EPRS1: variants seen among roughly 807,000 people sequenced by gnomAD.
The protein encoded by EPRS1 is bifunctional glutamate/proline--tRNA ligase.
A neutral mutation model predicts 188.3 loss-of-function variants in EPRS1; 107 were observed. The observed-to-expected ratio is 0.57, with a 90% CI of 0.49 to 0.67. EPRS1 has a LOEUF of 0.67. Ranked by LOEUF, EPRS1 falls within the 30% of genes least tolerant of loss-of-function variation. EPRS1 has a pLI of 0.00. For synonymous variants in EPRS1, 596 were observed against 593.1 expected (o/e 1.00, Z -0.07); for missense variants, 1,577 against 1,802.2 (o/e 0.88, Z 2.26).
At chr1:219,975,442 G>C (rs1660758178) in intron 28 of EPRS1, among the ~76,000 whole-genome samples, 1 of 152,124 alleles carries the variant, frequency 6.6e-6, no homozygotes. Context: ...TTTTGTTGTT[G>C]TTGTTTTTCT....
chr1:219,989,360 CATA>C (rs71787500), intron 18 of EPRS1, among the ~76,000 whole-genome samples: 30,561 of 151,162 alleles, frequency 0.2, 3,944 homozygotes, highest in African/African-American at 0.36. Context: ...GATACTTCAA[CATA>C]ATAATAAAAA....
chr1:220,005,361 CTG>C lies in EPRS1; in HGVS notation c.1951-3_1951-2del, dbSNP rs1661438246. 1 of 1,437,732 alleles carries C rather than the reference CTG, an allele frequency of 7.0e-7. No homozygotes were observed. Among genetic ancestry groups the C allele is most frequent in the African/African-American group, 2.1e-5 (1 of 48,162 alleles). 89.1% of individuals were successfully genotyped at this position (1,437,732 alleles called of 1,614,324 possible). On this transcript the variant is annotated splice_acceptor_variant and splice_polypyrimidine_tract_variant and intron_variant, in intron 15 of 31. Coordinates refer to ENST00000366923, the MANE Select transcript of EPRS1 (RefSeq NM_004446.3). LOFTEE classifies it high-confidence loss of function. ...GATCCCCTAGCATTAGCTCTTCATG[CTG>C]TAAAGATGATATAAACCAAAGTACA...
In EPRS1 at chr1:219,983,175, G is replaced by A; in HGVS notation, c.3300+14C>T. 1 of 1,584,664 alleles carries A rather than the reference G, an allele frequency of 6.3e-7. No homozygotes were observed. The highest frequency in any genetic ancestry group is 1.2e-5 in the South Asian group (1 of 86,194). On this transcript the variant is annotated intron_variant, in intron 22 of 31. Transcript: ENST00000366923. The stretch of plus-strand genomic sequence containing the variant: ...AGAGAACATTGCAAAAAATAAAAAA[G>A]CAAGCTCACTTACCTCTGGGGCAAA...
At chr1:219,974,265 G>A (rs1397652509) in intron 28 of EPRS1, among the ~76,000 whole-genome samples, 2 of 152,142 alleles carry the variant, frequency 1.3e-5, no homozygotes, top group African/African-American at 4.8e-5. Context: ...TTTCTAACAA[G>A]TTTCCAAGTG....
intron 2 of EPRS1, among the ~76,000 whole-genome samples, chr1:220,037,020 CAG>C (rs1183061139): frequency 6.8e-6 from 1 of 147,576 alleles, no homozygotes; most frequent in Non-Finnish European, 1.5e-5. Flanking sequence ...AGGAACTTTC[CAG>C]AAAGTAAAGG....
intron 28 of EPRS1, among the ~76,000 whole-genome samples, chr1:219,974,465 C>T (rs1394480426): frequency 6.6e-6 from 1 of 152,142 alleles, no homozygotes; most frequent in Non-Finnish European, 1.5e-5. Flanking sequence ...TTTTAGGGCC[C>T]AGAACCTTAT....
rs1475235044 is a variant in EPRS1, at chr1:219,983,308, T to C, written c.3181A>G (p.Lys1061Glu). 1.2e-6 allele frequency: 2 copies of C among 1,614,092 alleles called. No individual in the cohort carries two copies. Among genetic ancestry groups the C allele is most frequent in the Admixed American group, 1.7e-5 (1 of 60,030 alleles). Reference sequence around the variant, plus strand: ...TTGATCTCAGCATCAAAAAAGTCCTTGATGGCTTCCCAAATGGCATAGGCC... The same window carrying C: ...TTGATCTCAGCATCAAAAAAGTCCTCGATGGCTTCCCAAATGGCATAGGCC... ...PWAYAIWEAI[K>E]DFFDAEIKKL... The change falls in exon 22 of 32, where the codon AAG becomes GAG. Residue 1061 changes from lysine (K) to glutamate (E), a missense_variant. Lys to Glu is a moderately conservative substitution (Grantham distance 56). Coordinates refer to ENST00000366923, the MANE Select transcript of EPRS1 (RefSeq NM_004446.3).
Position 220,033,226 on chromosome 1 carries a change from TTC to T in EPRS1, c.388+274_388+275del, listed in dbSNP as rs150460153. On this transcript the variant is annotated intron_variant, in intron 4 of 31. Coordinates refer to ENST00000366923, the MANE Select transcript of EPRS1 (RefSeq NM_004446.3). ...GTGCTAACATAAATGGGATGGGGACTTCTTTATCAGGAATAAGATCAGCTCCA... is the reference window on the plus strand; with the variant it reads ...GTGCTAACATAAATGGGATGGGGACTTTTATCAGGAATAAGATCAGCTCCA... Among the ~76,000 whole-genome samples, 814 of 152,236 alleles carry T rather than the reference TTC, an allele frequency of 5.3e-3. 7 individuals carry two copies. The highest frequency in any genetic ancestry group is 0.019 in the African/African-American group (790 of 41,542).
In EPRS1 at chr1:220,020,009, T is replaced by C. The variant is rs368748957; in HGVS notation, c.1328A>G (p.Asn443Ser). Residue 443 changes from asparagine (N) to serine (S), a missense_variant, in exon 10 of 32, where the codon AAT becomes AGT. Asn to Ser is a conservative substitution (Grantham distance 46). Transcript: ENST00000366923. ...ATACCATCCATCTACTAGTCCTTCA[T>C]TGACAAACCATGTGAGTTTTCTTTT... ...LSKRKLTWFV[N>S]EGLVDGWDDP... 93 of 1,612,756 alleles carry C rather than the reference T, an allele frequency of 5.8e-5. No individual in the cohort carries two copies. The highest frequency in any genetic ancestry group is 1.6e-4 in the Middle Eastern group (1 of 6,082).
chr1:220,009,689 TAA>T (rs1404191621), intron 13 of EPRS1, among the ~76,000 whole-genome samples: 1 of 147,360 alleles, frequency 6.8e-6, no homozygotes, highest in Non-Finnish European at 1.5e-5. Context: ...ATTTCAAAAT[TAA>T]GAAAAAAAAA....
chr1:220,000,938 G>A (rs545172891), intron 17 of EPRS1, among the ~76,000 whole-genome samples, 200 bp downstream of exon 17: 3 of 152,126 alleles, frequency 2.0e-5, no homozygotes, highest in Non-Finnish European at 2.9e-5. Flanking sequence ...CCCAGATCGC[G>A]CCACAGCACT....
chr1:220,039,793 C>T (rs1211560862), intron 2 of EPRS1, among the ~76,000 whole-genome samples: 3 of 152,176 alleles, frequency 2.0e-5, no homozygotes, highest in Non-Finnish European at 2.9e-5. Flanking sequence ...GCCGGGATTA[C>T]AGGTGTGAGC....
chr1:219,991,404 GAGA>G (rs976493038), intron 18 of EPRS1, among the ~76,000 whole-genome samples: 1 of 151,860 alleles, frequency 6.6e-6, no homozygotes, highest in Non-Finnish European at 1.5e-5. Flanking sequence ...GCATATCTAA[GAGA>G]ACTATATCTA....
At chr1:219,986,693 T>A (rs1558045892) in intron 20 of EPRS1, among the ~76,000 whole-genome samples, 1 of 152,170 alleles carries the variant, frequency 6.6e-6, no homozygotes. Flanking sequence ...CCACAAAAGA[T>A]CTTCATCTGA....
chr1:219,980,332 G>T, intron 25 of EPRS1, 92 bp from the exon 26 acceptor site: 1 of 942,960 alleles, frequency 1.1e-6, no homozygotes, highest in Non-Finnish European at 1.6e-6. Context: ...TAATTGTGTG[G>T]GAAAAGCAAT....
intron 27 of EPRS1, among the ~76,000 whole-genome samples, chr1:219,979,092 C>T (rs1407940848): frequency 6.6e-6 from 1 of 152,188 alleles, no homozygotes; most frequent in Admixed American, 6.5e-5. Flanking sequence ...TGGGCTCAAG[C>T]AATCTGCCCG....
rs1277213521 is a variant in EPRS1, at chr1:220,006,242, G to C, written c.1814C>G (p.Thr605Ser). 6.2e-7 allele frequency: 1 copy of C among 1,600,880 alleles called. No individual in the cohort carries two copies. Among genetic ancestry groups the C allele is most frequent in the Non-Finnish European group, 8.5e-7 (1 of 1,172,532 alleles). The change falls in exon 15 of 32, where the codon ACT becomes AGT. Residue 605 changes from threonine (T) to serine (S), a missense_variant. Physicochemically the swap from Thr to Ser is moderately conservative, Grantham distance 58 (BLOSUM62 1). Transcript: ENST00000366923. ...NLENKDYKKT[T>S]KVTWLAETTH... is the part of the protein sequence containing the mutation. ...AGTCTCTGCAAGCCAAGTGACCTTA[G>C]TGGTTTTCTTGTAGTCTTTGTTTTC...
rs778973185 is a variant in EPRS1 at position 219,988,825 on chromosome 1, T to C, written c.2542-2A>G. ...TTCTACAGCTTCATTTATTTTAGCC[T>C]AAAATAAAAGAGAGAAAGAGATATT... On this transcript the variant is annotated splice_acceptor_variant, in intron 18 of 31. Coordinates refer to ENST00000366923, the MANE Select transcript of EPRS1 (RefSeq NM_004446.3). LOFTEE classifies it high-confidence loss of function. 6.4e-7 allele frequency: 1 copy of C among 1,560,918 alleles called. No individual in the cohort carries two copies. The highest frequency in any genetic ancestry group is 1.2e-5 in the South Asian group (1 of 83,774).
At chr1:220,044,286 G>T (rs973897740) in intron 1 of EPRS1, among the ~76,000 whole-genome samples, 2 of 152,136 alleles carry the variant, frequency 1.3e-5, no homozygotes, top group Non-Finnish European at 2.9e-5. Flanking sequence ...TAAAAAGGGA[G>T]AGGAGCAATT....
Sources: allele counts gnomAD v4.1 joint callset (sites outside exome capture counted in the v4.1 genomes callset), GRCh38; gene constraint gnomAD v4.1.1; transcripts MANE v1.5; gene names NCBI Gene and HGNC (gene_info 2026-07-23, HGNC 2026-07-21).